Variants in PTPRT observed in about 807,000 individuals in gnomAD.
The protein encoded by PTPRT is protein tyrosine phosphatase receptor type T, also known as receptor-type tyrosine-protein phosphatase T.
PTPRT carries 56 observed loss-of-function variants against 176.8 expected under a neutral mutation model. The observed-to-expected ratio is 0.32, with a 90% CI of 0.26 to 0.40. The LOEUF (loss-of-function observed/expected upper bound fraction) is 0.40. Among genes scored for constraint, PTPRT ranks in the 10% least tolerant of loss-of-function variants. The pLI is 1.00. For synonymous variants in PTPRT, 783 were observed against 739.0 expected (o/e 1.06, Z -0.96); for missense variants, 1,540 against 1,908.2 (o/e 0.81, Z 3.60).
At chr20:42,572,922 G>GTT (rs398061439) in intron 7 of PTPRT, among the ~76,000 whole-genome samples, 111 of 111,228 alleles carry the variant, frequency 1.0e-3, no homozygotes, top group African/African-American at 3.9e-3. Context: ...ATAAGTTTTT[G>GTT]TTTTTTTTTT....
intron 5 of PTPRT, among the ~76,000 whole-genome samples, chr20:42,757,674 C>A (rs2076855324): frequency 6.6e-6 from 1 of 152,244 alleles, no homozygotes; most frequent in South Asian, 2.1e-4. Context: ...GAAGGACTTT[C>A]CTCTGTTCAT....
chr20:43,127,612 G>T (rs1399137481), intron 1 of PTPRT, among the ~76,000 whole-genome samples: 1 of 152,014 alleles, frequency 6.6e-6, no homozygotes, highest in Middle Eastern at 3.2e-3. Flanking sequence ...GCAACAGAAA[G>T]CCCAGGCCAT....
At chr20:42,462,157 G>T (rs2145894105) in intron 8 of PTPRT, among the ~76,000 whole-genome samples, 1 of 152,284 alleles carries the variant, frequency 6.6e-6, no homozygotes, top group East Asian at 1.9e-4. Context: ...GAATTTCTTT[G>T]AATGGTTTCA....
chr20:43,062,991 C>CTT, intron 1 of PTPRT, among the ~76,000 whole-genome samples: 1 of 152,138 alleles, frequency 6.6e-6, no homozygotes, highest in East Asian at 1.9e-4. Flanking sequence ...GAGCTCATCT[C>CTT]TTTGTTTTTT....
At chr20:43,141,416 G>A (rs1216934646) in intron 1 of PTPRT, among the ~76,000 whole-genome samples, 1 of 152,190 alleles carries the variant, frequency 6.6e-6, no homozygotes, top group Non-Finnish European at 1.5e-5. Context: ...GGGCAACCGG[G>A]CCATGTATGT....
chr20:42,634,062 ATAAT>A (rs2074528844), intron 7 of PTPRT, among the ~76,000 whole-genome samples: 1 of 39,556 alleles, frequency 2.5e-5, no homozygotes, highest in African/African-American at 1.6e-4. Flanking sequence ...TTATAAATAT[ATAAT>A]ATATATATAA....
chr20:42,838,184 G>A (rs1198595231), intron 2 of PTPRT, among the ~76,000 whole-genome samples: 1 of 152,074 alleles, frequency 6.6e-6, no homozygotes, highest in Non-Finnish European at 1.5e-5. Flanking sequence ...CCACCACCAC[G>A]CCCTGCTGTT....
At chr20:43,108,165 A>G (rs904604000) in intron 1 of PTPRT, among the ~76,000 whole-genome samples, 1 of 152,188 alleles carries the variant, frequency 6.6e-6, no homozygotes, top group Non-Finnish European at 1.5e-5. Flanking sequence ...GGCAGAAGTC[A>G]TGTGCTGGCT....
intron 16 of PTPRT, among the ~76,000 whole-genome samples, chr20:42,190,879 T>C (rs1191061523): frequency 6.6e-6 from 1 of 152,182 alleles, no homozygotes; most frequent in Non-Finnish European, 1.5e-5. Flanking sequence ...TGACCTAGGT[T>C]TGAGTTCCAG....
chr20:42,463,581 T>G (rs774111033), intron 8 of PTPRT, among the ~76,000 whole-genome samples: 3 of 152,162 alleles, frequency 2.0e-5, no homozygotes, highest in Non-Finnish European at 4.4e-5. Context: ...AGGGAAGTTT[T>G]CTCCTCTCCT....
At chr20:42,465,642 A>G (rs1253082126) in intron 8 of PTPRT, among the ~76,000 whole-genome samples, 1 of 152,236 alleles carries the variant, frequency 6.6e-6, no homozygotes, top group East Asian at 1.9e-4. Flanking sequence ...GAACTCTAAG[A>G]AAGATCAACC....
chr20:42,871,100 G>A (rs208184), intron 2 of PTPRT, among the ~76,000 whole-genome samples: 39,756 of 151,386 alleles, frequency 0.26, 5,299 homozygotes, highest in African/African-American at 0.31. Context: ...ACAGACACAC[G>A]CCACCATGCC....
intron 1 of PTPRT, among the ~76,000 whole-genome samples, chr20:42,930,964 A>C (rs1169598239): frequency 2.6e-5 from 4 of 151,620 alleles, no homozygotes; most frequent in Non-Finnish European, 2.9e-5. Flanking sequence ...ACAACAAAAA[A>C]CTCCTTATCT....
chr20:42,899,930 G>A (rs1469756317), intron 1 of PTPRT, among the ~76,000 whole-genome samples: 9 of 152,144 alleles, frequency 5.9e-5, no homozygotes, highest in Admixed American at 5.2e-4. Flanking sequence ...GCATGTACTG[G>A]GAACTATGTG....
intron 1 of PTPRT, among the ~76,000 whole-genome samples, chr20:43,095,510 G>C (rs1160413668): frequency 6.6e-6 from 1 of 151,944 alleles, no homozygotes; most frequent in African/African-American, 2.4e-5. Context: ...GGACATGTCT[G>C]CATGGCTCCC....
At chr20:42,905,293 G>T (rs1427263997) in intron 1 of PTPRT, among the ~76,000 whole-genome samples, 3 of 152,198 alleles carry the variant, frequency 2.0e-5, no homozygotes, top group Non-Finnish European at 4.4e-5. Flanking sequence ...AGACATCTAT[G>T]CAGCCAACAG....
intron 7 of PTPRT, among the ~76,000 whole-genome samples, chr20:42,667,392 C>A (rs1401995948): frequency 6.6e-6 from 1 of 152,154 alleles, no homozygotes; most frequent in Non-Finnish European, 1.5e-5. Flanking sequence ...ACACTATAAG[C>A]CTTGCATACA....
At chr20:42,178,225 C>T (rs1990374625) in intron 16 of PTPRT, among the ~76,000 whole-genome samples, 1 of 152,082 alleles carries the variant, frequency 6.6e-6, no homozygotes, top group African/African-American at 2.4e-5. Context: ...CGAGAGCCAC[C>T]GTGCCCAGCC....
At chr20:42,628,811 T>A (rs1471314230) in intron 7 of PTPRT, among the ~76,000 whole-genome samples, 1 of 152,172 alleles carries the variant, frequency 6.6e-6, no homozygotes, top group Non-Finnish European at 1.5e-5. Flanking sequence ...TGCCCATTTG[T>A]TTACGTATGA....
Sources: allele counts gnomAD v4.1 joint callset (sites outside exome capture counted in the v4.1 genomes callset), GRCh38; gene constraint gnomAD v4.1.1; transcripts MANE v1.5; gene names NCBI Gene and HGNC (gene_info 2026-07-23, HGNC 2026-07-21).